The following ADAMTS3 variants were observed in gnomAD, a reference collection of about 807,000 sequenced individuals.
ADAMTS3 encodes the protein ADAM metallopeptidase with thrombospondin type 1 motif 3.
A neutral mutation model predicts 129.0 loss-of-function variants in ADAMTS3; 73 were observed. The ratio of observed to expected loss-of-function variants is 0.57; its 90% CI spans 0.47 to 0.69. The LOEUF is 0.69. Among genes scored for constraint, ADAMTS3 ranks in the 30% least tolerant of loss-of-function variants. The pLI, the probability that ADAMTS3 is intolerant of heterozygous loss-of-function variation, is 0.00. For missense variants in ADAMTS3, 1,457 were observed against 1,514.5 expected, an observed-to-expected ratio of 0.96 and a Z score of 0.63; for synonymous variants, 477 against 510.8, an observed-to-expected ratio of 0.93 and a Z score of 0.89.
At chr4:72,476,984 T>C (rs900993650) in intron 3 of ADAMTS3, among the ~76,000 whole-genome samples, 3 of 152,080 alleles carry the variant, frequency 2.0e-5, no homozygotes, top group Non-Finnish European at 4.4e-5. Context: ...CAATATTCAT[T>C]TGTAATAAAA....
At chr4:72,352,715 G>A (rs1362777757) in intron 4 of ADAMTS3, among the ~76,000 whole-genome samples, 2 of 152,004 alleles carry the variant, frequency 1.3e-5, no homozygotes, top group African/African-American at 4.8e-5. Context: ...GTCAACAGAG[G>A]AGGTGACATC....
At chr4:72,539,257 A>G (rs933757913) in intron 3 of ADAMTS3, among the ~76,000 whole-genome samples, 4 of 152,080 alleles carry the variant, frequency 2.6e-5, no homozygotes, top group African/African-American at 9.7e-5. Flanking sequence ...TGCAAACCAT[A>G]TATCTGATAA....
At chr4:72,392,752 C>A (rs762929780) in intron 4 of ADAMTS3, among the ~76,000 whole-genome samples, 4 of 152,060 alleles carry the variant, frequency 2.6e-5, no homozygotes, top group Non-Finnish European at 5.9e-5. Flanking sequence ...TCACTGACTT[C>A]TTTGCCTAAA....
At position 72,322,338 on chromosome 4, in the gene ADAMTS3, T is replaced by A. The variant is rs148302515; in HGVS notation, c.945+676A>T. The stretch of plus-strand genomic sequence containing the variant: ...AGGAGGATTAACTATGGGAGAGAGA[T>A]GTGTAATTTTAAACATCAAGAAAGT... On this transcript the variant is annotated intron_variant, in intron 6 of 21. Coordinates refer to ENST00000286657, the MANE Select transcript of ADAMTS3 (RefSeq NM_014243.3). 1.7e-4 allele frequency among the ~76,000 whole-genome samples: 26 copies of A among 152,320 alleles called. 1 individual carries two copies. The East Asian group carries it at 5.0e-3, about 29-fold the overall frequency.
intron 4 of ADAMTS3, among the ~76,000 whole-genome samples, chr4:72,369,732 A>G (rs182840361): frequency 1.3e-3 from 188 of 146,358 alleles, no homozygotes; most frequent in African/African-American, 4.7e-3. Context: ...AATAAAAATG[A>G]AAAAAAAAAA....
At chr4:72,465,523 T>C (rs866090260) in intron 3 of ADAMTS3, among the ~76,000 whole-genome samples, 4 of 152,038 alleles carry the variant, frequency 2.6e-5, no homozygotes, top group South Asian at 4.1e-4. Flanking sequence ...TGTTTTAATG[T>C]CCACTCTGAC....
chr4:72,397,540 G>A (rs549836267), intron 4 of ADAMTS3, among the ~76,000 whole-genome samples: 2 of 146,642 alleles, frequency 1.4e-5, no homozygotes, highest in African/African-American at 5.0e-5. Context: ...ATTCCAGCCT[G>A]GGCGACAGGG....
chr4:72,447,346 T>A (rs1718282770), intron 3 of ADAMTS3, among the ~76,000 whole-genome samples: 1 of 151,784 alleles, frequency 6.6e-6, no homozygotes, highest in South Asian at 2.1e-4. Flanking sequence ...CTCTTCCAAA[T>A]CTTACCTTCT....
At chr4:72,308,270 A>ATT (rs1275660922) in intron 15 of ADAMTS3, among the ~76,000 whole-genome samples, 1 of 151,950 alleles carries the variant, frequency 6.6e-6, no homozygotes, top group Non-Finnish European at 1.5e-5. Context: ...AAACATGGTA[A>ATT]TTTATAACAC....
At chr4:72,530,868 T>G (rs1322738902) in intron 3 of ADAMTS3, among the ~76,000 whole-genome samples, 6 of 131,490 alleles carry the variant, frequency 4.6e-5, no homozygotes, top group Middle Eastern at 3.3e-3. Context: ...ATATGATATA[T>G]ATTATATATG....
chr4:72,339,140 A>G (rs1203715722), intron 5 of ADAMTS3, among the ~76,000 whole-genome samples: 1 of 152,230 alleles, frequency 6.6e-6, no homozygotes, highest in Non-Finnish European at 1.5e-5. Flanking sequence ...CATCCTTCAT[A>G]GGCAACATGA....
At chr4:72,410,576 C>T (rs747132369) in intron 4 of ADAMTS3, among the ~76,000 whole-genome samples, 1 of 152,082 alleles carries the variant, frequency 6.6e-6, no homozygotes, top group Non-Finnish European at 1.5e-5. Context: ...TGAATGATGT[C>T]ATACAAGTTC....
At chr4:72,561,006 T>C (rs1057187895) in intron 2 of ADAMTS3, among the ~76,000 whole-genome samples, 1 of 152,052 alleles carries the variant, frequency 6.6e-6, no homozygotes, top group Non-Finnish European at 1.5e-5. Flanking sequence ...ATAGAGGAAA[T>C]ATGAGTATTA....
intron 5 of ADAMTS3, among the ~76,000 whole-genome samples, chr4:72,335,895 T>A (rs556264167): frequency 6.6e-6 from 1 of 152,320 alleles, no homozygotes; most frequent in Non-Finnish European, 1.5e-5. Flanking sequence ...TTATTTATAT[T>A]CATTTGTTCT....
chr4:72,408,743 G>A (rs530025547), intron 4 of ADAMTS3, among the ~76,000 whole-genome samples: 82 of 149,762 alleles, frequency 5.5e-4, no homozygotes, highest in African/African-American at 1.7e-3. Flanking sequence ...TGTGGTTAAC[G>A]TGGAATACTA....
At chr4:72,356,877 A>G (rs1720594560) in intron 4 of ADAMTS3, among the ~76,000 whole-genome samples, 1 of 151,918 alleles carries the variant, frequency 6.6e-6, no homozygotes, top group East Asian at 1.9e-4. Context: ...GAGCTGGAAA[A>G]AATATTCATA....
intron 13 of ADAMTS3, 113 bp from the exon 14 acceptor site, chr4:72,311,294 G>T: frequency 1.0e-6 from 1 of 957,956 alleles, no homozygotes. Context: ...GAAAACAAAA[G>T]GAATACCGTA....
At chr4:72,352,903 T>C (rs1045530127) in intron 4 of ADAMTS3, among the ~76,000 whole-genome samples, 1 of 152,014 alleles carries the variant, frequency 6.6e-6, no homozygotes, top group African/African-American at 2.4e-5. Context: ...ATGCGGTTAC[T>C]AAGAGAGGTT....
chr4:72,326,979 A>G (rs1054700668), intron 5 of ADAMTS3, among the ~76,000 whole-genome samples: 2 of 152,166 alleles, frequency 1.3e-5, no homozygotes, highest in Admixed American at 6.5e-5. Flanking sequence ...CAGTATGTCA[A>G]TGTTTTCCTA....
Sources: allele counts gnomAD v4.1 joint callset (sites outside exome capture counted in the v4.1 genomes callset), GRCh38; gene constraint gnomAD v4.1.1; transcripts MANE v1.5; gene names NCBI Gene and HGNC (gene_info 2026-07-23, HGNC 2026-07-21).